PLCB1: variants seen among roughly 807,000 people sequenced by gnomAD.
PLCB1 encodes phospholipase C beta 1.
In PLCB1, 46 loss-of-function variants were observed where a neutral mutation model predicts 161.8. The observed-to-expected ratio is 0.28, with a 90% CI of 0.22 to 0.36. PLCB1 has a LOEUF of 0.36. Among genes scored for constraint, PLCB1 ranks in the 10% least tolerant of loss-of-function variants. PLCB1 has a pLI of 1.00. For synonymous variants in PLCB1, 517 were observed against 503.7 expected (o/e 1.03, Z -0.35); for missense variants, 1,016 against 1,472.5 (o/e 0.69, Z 5.07).
In PLCB1 at chr20:8,741,466, G is replaced by A; in HGVS notation, c.2416G>A (p.Val806Ile). 6.2e-7 allele frequency: 1 copy of A among 1,607,564 alleles called. No individual in the cohort carries two copies. Among genetic ancestry groups the A allele is most frequent in the South Asian group, 1.1e-5 (1 of 90,892 alleles). ...KDYVPDTYADVIEALSNPIRY... is the reference protein window; with the variant it reads ...KDYVPDTYADIIEALSNPIRY... ...TAAAATATCTCTTCCCTATTTAGAT[G>A]TCATCGAAGCTTTATCAAACCCAAT... is the stretch of plus-strand genomic sequence containing the variant. Residue 806 changes from valine to isoleucine, a missense_variant and splice_region_variant, in exon 23 of 32, where the codon GTC becomes ATC. Around this residue, in one of 10 missense-constraint regions of PLCB1, gnomAD observed 75 missense variants for 117.0 expected, o/e 0.64. Transcript: ENST00000338037.
At chr20:8,331,093 G>A (rs931331713) in intron 2 of PLCB1, among the ~76,000 whole-genome samples, 2 of 152,286 alleles carry the variant, frequency 1.3e-5, no homozygotes, top group Non-Finnish European at 2.9e-5. Context: ...CTGTGTAAAG[G>A]TATTTATGTT....
At chr20:8,605,673 A>G (rs1987737272) in intron 3 of PLCB1, among the ~76,000 whole-genome samples, 2 of 147,188 alleles carry the variant, frequency 1.4e-5, no homozygotes, top group Non-Finnish European at 3.0e-5. Flanking sequence ...GATTCAGGGT[A>G]TATGTGCAGA....
chr20:8,240,430 A>G (rs1980553356), intron 2 of PLCB1, among the ~76,000 whole-genome samples: 1 of 152,000 alleles, frequency 6.6e-6, no homozygotes, highest in African/African-American at 2.4e-5. Flanking sequence ...CAGTATGCCT[A>G]GAGCTACTTC....
At chr20:8,572,594 G>A (rs1197159205) in intron 3 of PLCB1, among the ~76,000 whole-genome samples, 2 of 152,132 alleles carry the variant, frequency 1.3e-5, no homozygotes, top group African/African-American at 4.8e-5. Flanking sequence ...CTGTGCACCC[G>A]AGCATTGCAA....
intron 31 of PLCB1, among the ~76,000 whole-genome samples, chr20:8,821,706 T>C (rs1053384643): frequency 2.0e-5 from 3 of 151,756 alleles, no homozygotes; most frequent in Non-Finnish European, 4.4e-5. Flanking sequence ...TAATTACATA[T>C]AAAAAGTGGA....
intron 2 of PLCB1, among the ~76,000 whole-genome samples, chr20:8,171,687 G>A (rs535315090): frequency 1.3e-5 from 2 of 152,106 alleles, no homozygotes; most frequent in Non-Finnish European, 2.9e-5. Flanking sequence ...GAAGCACTAG[G>A]TAAGTGTTTA....
intron 2 of PLCB1, among the ~76,000 whole-genome samples, chr20:8,303,871 C>T (rs751310647): frequency 2.0e-4 from 30 of 152,310 alleles, no homozygotes; most frequent in Non-Finnish European, 3.8e-4. Context: ...TCAAAGCAAA[C>T]ACCAGCTCCT....
chr20:8,321,780 C>T (rs1034928405), intron 2 of PLCB1, among the ~76,000 whole-genome samples: 3 of 152,112 alleles, frequency 2.0e-5, no homozygotes, highest in African/African-American at 7.2e-5. Context: ...CTCCTCTCTC[C>T]CCCGCATTGG....
chr20:8,172,339 C>A (rs764097034), intron 2 of PLCB1, among the ~76,000 whole-genome samples: 1 of 151,956 alleles, frequency 6.6e-6, no homozygotes, highest in Non-Finnish European at 1.5e-5. Flanking sequence ...ATTTAAAGGC[C>A]GTGAGGGATA....
chr20:8,425,121 T>G (rs1297480564), intron 3 of PLCB1, among the ~76,000 whole-genome samples: 1 of 131,966 alleles, frequency 7.6e-6, no homozygotes, highest in Non-Finnish European at 1.7e-5. Context: ...ATGACCTGCA[T>G]TCTGAGGTGT....
chr20:8,285,924 T>C (rs1983096270), intron 2 of PLCB1, among the ~76,000 whole-genome samples: 1 of 152,274 alleles, frequency 6.6e-6, no homozygotes, highest in African/African-American at 2.4e-5. Context: ...TATTTATGTT[T>C]CTCAAATATT....
At chr20:8,141,265 C>T (rs544634530) in intron 1 of PLCB1, among the ~76,000 whole-genome samples, 30 of 152,248 alleles carry the variant, frequency 2.0e-4, no homozygotes, top group South Asian at 4.1e-4. Context: ...GGTGTATGTA[C>T]AGTCCGTTTT....
At chr20:8,456,417 T>C (rs757675836) in intron 3 of PLCB1, among the ~76,000 whole-genome samples, 11 of 152,328 alleles carry the variant, frequency 7.2e-5, no homozygotes, top group Non-Finnish European at 1.3e-4. Context: ...GTGAAATAAT[T>C]GTTAGTTTGT....
intron 2 of PLCB1, among the ~76,000 whole-genome samples, chr20:8,342,688 C>T (rs932801162): frequency 6.6e-6 from 1 of 152,228 alleles, no homozygotes; most frequent in African/African-American, 2.4e-5. Context: ...CTAACCTGTT[C>T]TCAGCAAATC....
chr20:8,456,825 G>C (rs970890633), intron 3 of PLCB1, among the ~76,000 whole-genome samples: 3 of 152,188 alleles, frequency 2.0e-5, no homozygotes, highest in Non-Finnish European at 4.4e-5. Context: ...TCACATGGGA[G>C]AAGTGGCCAG....
rs572189916 is a variant in PLCB1, at chr20:8,824,134, T to G, written c.3423+33873T>G. Among the ~76,000 whole-genome samples the G allele has an allele frequency of 6.4e-4, 98 of 152,294 alleles. No homozygotes were observed. The South Asian group carries it at 7.0e-3, about 11-fold the overall frequency. On this transcript the variant is annotated intron_variant, in intron 31 of 31. Transcript: ENST00000338037. ...AAACAAAATTGCGTTTTTTGAAACT[T>G]AAAAGCTCAATACCTTTATTTACTA...
rs116339467 is a variant in PLCB1, at chr20:8,737,223, A to C, written c.2208+31A>C. On this transcript the variant is annotated intron_variant, in intron 20 of 31. Transcript: ENST00000338037. ...TCACATGTTCTTGATATGAGTTATA[A>C]CTGCATTTTTCAGGTGTTTTACACT... The C allele has an allele frequency of 6.2e-4, 963 of 1,562,306 alleles. 7 individuals are homozygous for C. In the African/African-American group the frequency reaches 0.011, roughly 18 times the overall value.
At chr20:8,395,753 T>C (rs969665921) in intron 3 of PLCB1, among the ~76,000 whole-genome samples, 1 of 152,004 alleles carries the variant, frequency 6.6e-6, no homozygotes, top group African/African-American at 2.4e-5. Context: ...AATAATTTAT[T>C]TGAAGGATAC....
chr20:8,299,953 T>C (rs1178247966), intron 2 of PLCB1, among the ~76,000 whole-genome samples: 1 of 152,196 alleles, frequency 6.6e-6, no homozygotes, highest in Non-Finnish European at 1.5e-5. Context: ...GTCACAATAA[T>C]GTTGTGTAGC....
Sources: allele counts gnomAD v4.1 joint callset (sites outside exome capture counted in the v4.1 genomes callset), GRCh38; gene constraint gnomAD v4.1.1; regional missense constraint gnomAD v4.1.1; transcripts MANE v1.5; gene names NCBI Gene and HGNC (gene_info 2026-07-23, HGNC 2026-07-21).